PLCL1: variants seen among roughly 807,000 people sequenced by gnomAD.
PLCL1 encodes phospholipase C like 1 (inactive), also known as inactive phospholipase C-like protein 1.
In PLCL1, 41 loss-of-function variants were observed where a neutral mutation model predicts 84.4. The ratio of observed to expected loss-of-function variants is 0.49; its 90% CI spans 0.38 to 0.63. The LOEUF (loss-of-function observed/expected upper bound fraction) is 0.63. PLCL1 is among the 30% of genes least tolerant of loss of function. The pLI is 0.00. For synonymous variants in PLCL1, 490 were observed against 488.3 expected (o/e 1.00, Z -0.05); for missense variants, 1,206 against 1,367.8 (o/e 0.88, Z 1.87).
At chr2:197,973,662 G>C (rs1689911627) in intron 1 of PLCL1, among the ~76,000 whole-genome samples, 1 of 152,162 alleles carries the variant, frequency 6.6e-6, no homozygotes, top group Non-Finnish European at 1.5e-5. Flanking sequence ...GTGGGGAGGA[G>C]CTTCACATGT....
chr2:197,943,157 A>C (rs994429882), intron 1 of PLCL1, among the ~76,000 whole-genome samples: 1 of 146,290 alleles, frequency 6.8e-6, no homozygotes, highest in East Asian at 2.0e-4. Context: ...AGATTGTGCC[A>C]CTGCGCTCTA....
At chr2:198,141,653 C>T (rs955970710) in intron 5 of PLCL1, among the ~76,000 whole-genome samples, 3 of 152,118 alleles carry the variant, frequency 2.0e-5, no homozygotes, top group Non-Finnish European at 4.4e-5. Context: ...GGCAGTTGTG[C>T]ACAGCCCTCC....
At chr2:197,886,952 A>C (rs1019395206) in intron 1 of PLCL1, among the ~76,000 whole-genome samples, 1 of 152,220 alleles carries the variant, frequency 6.6e-6, no homozygotes, top group Admixed American at 6.5e-5. Context: ...AGCTGCTTTA[A>C]CATACATTAT....
chr2:198,130,750 G>A (rs377284925), intron 5 of PLCL1, among the ~76,000 whole-genome samples: 1 of 152,180 alleles, frequency 6.6e-6, no homozygotes, highest in Non-Finnish European at 1.5e-5. Flanking sequence ...TAATTGGTTA[G>A]CAAGCACCGT....
At position 197,839,337 on chromosome 2, in the gene PLCL1, T is replaced by C. The variant is rs1442267283; in HGVS notation, c.240+33998T>C. Among the ~76,000 whole-genome samples, 5 of 152,226 alleles carry C rather than the reference T, an allele frequency of 3.3e-5. No homozygotes were observed. The East Asian group carries it at 5.8e-4, about 18-fold the overall frequency. ...TTTTCAGCATCAGGGACTGGTTGCA[T>C]GGAAGACTATTTTTCCAAGGGAAGG... On this transcript the variant is annotated intron_variant, in intron 1 of 5. Transcript: ENST00000428675.
At chr2:197,933,352 C>A (rs1157447636) in intron 1 of PLCL1, among the ~76,000 whole-genome samples, 1 of 151,328 alleles carries the variant, frequency 6.6e-6, no homozygotes, top group Admixed American at 6.6e-5. Flanking sequence ...CAAACTCCAC[C>A]TCCCGGGTTC....
At chr2:198,069,093 C>T (rs1038745707) in intron 1 of PLCL1, among the ~76,000 whole-genome samples, 6 of 149,974 alleles carry the variant, frequency 4.0e-5, no homozygotes, top group Non-Finnish European at 5.9e-5. Flanking sequence ...GATAAGCAAA[C>T]ATAACTACTC....
chr2:198,125,016 A>T (rs1305981761), intron 5 of PLCL1, among the ~76,000 whole-genome samples: 1 of 152,130 alleles, frequency 6.6e-6, no homozygotes, highest in African/African-American at 2.4e-5. Context: ...GCTAGTGACT[A>T]CCATAATGGA....
At chr2:198,117,039 A>T (rs1164607520) in intron 5 of PLCL1, among the ~76,000 whole-genome samples, 1 of 151,882 alleles carries the variant, frequency 6.6e-6, no homozygotes, top group Non-Finnish European at 1.5e-5. Context: ...TGGATCTCCC[A>T]GTTGTCAGCT....
intron 1 of PLCL1, among the ~76,000 whole-genome samples, chr2:197,873,304 T>C (rs1372299359): frequency 7.2e-5 from 11 of 152,112 alleles, no homozygotes; most frequent in Admixed American, 5.9e-4. Context: ...CGGAGTGCTC[T>C]TTTTCTCTCT....
chr2:198,079,348 A>T (rs962137302), intron 1 of PLCL1, among the ~76,000 whole-genome samples: 1 of 151,878 alleles, frequency 6.6e-6, no homozygotes, highest in African/African-American at 2.4e-5. Context: ...GTCTCATTTA[A>T]TCATGATTGG....
chr2:197,815,443 C>G (rs546003080), intron 1 of PLCL1, among the ~76,000 whole-genome samples: 22 of 152,242 alleles, frequency 1.4e-4, no homozygotes, highest in Non-Finnish European at 1.5e-5. Context: ...CCTAAGAGCT[C>G]TGATGGAAAT....
At chr2:197,946,356 A>G (rs1431952437) in intron 1 of PLCL1, among the ~76,000 whole-genome samples, 16 of 152,208 alleles carry the variant, frequency 1.1e-4, no homozygotes, top group Admixed American at 1.0e-3. Flanking sequence ...ATGACAGTAC[A>G]TACGATAGAC....
chr2:197,962,351 A>G (rs570146127), intron 1 of PLCL1, among the ~76,000 whole-genome samples: 1 of 152,222 alleles, frequency 6.6e-6, no homozygotes, highest in East Asian at 1.9e-4. Flanking sequence ...ATCCTTAGTG[A>G]CTTCAAAATT....
At chr2:198,106,352 G>C (rs995092574) in intron 5 of PLCL1, among the ~76,000 whole-genome samples, 1 of 151,870 alleles carries the variant, frequency 6.6e-6, no homozygotes. Flanking sequence ...ACTATGCATT[G>C]GGCTCTGTGC....
chr2:198,118,077 A>G lies in PLCL1; in HGVS notation c.3105+14141A>G, dbSNP rs62277909. Among the ~76,000 whole-genome samples the G allele has an allele frequency of 8.0e-3, 1,212 of 152,050 alleles. 8 individuals are homozygous for G. Among genetic ancestry groups the G allele is most frequent in the Middle Eastern group, 0.027 (8 of 294 alleles). On this transcript the variant is annotated intron_variant, in intron 5 of 5. Transcript: ENST00000428675. ...TAATAATACATGTAGATATGATAAT[A>G]ACAATAATAGAGGAATGAAATTTTC...
intron 1 of PLCL1, among the ~76,000 whole-genome samples, chr2:197,838,653 T>C (rs1691237251): frequency 6.6e-6 from 1 of 152,230 alleles, no homozygotes; most frequent in Admixed American, 6.5e-5. Flanking sequence ...AAAGGAAATA[T>C]AAACACATAT....
intron 1 of PLCL1, chr2:198,071,098 G>GCACACACACA (rs56759346): frequency 6.1e-5 from 9 of 147,770 alleles, no homozygotes; most frequent in African/African-American, 2.3e-4. Context: ...TTTTAAGTAT[G>GCACACACACA]CACACACACA....
chr2:197,969,194 T>C (rs571865056), intron 1 of PLCL1, among the ~76,000 whole-genome samples: 1 of 152,360 alleles, frequency 6.6e-6, no homozygotes, highest in South Asian at 2.1e-4. Context: ...TTATCTTCCA[T>C]GAAACTAGTT....
Sources: gnomAD v4.1 joint callset for allele counts (sites outside exome capture counted in the v4.1 genomes callset) on GRCh38, gnomAD v4.1.1 for gene constraint, MANE v1.5 for transcripts, NCBI Gene and HGNC (gene_info 2026-07-23, HGNC 2026-07-21) for gene names.